Variants in SRC observed in about 807,000 individuals in gnomAD.
The protein encoded by SRC is proto-oncogene tyrosine-protein kinase Src.
In SRC, 13 loss-of-function variants were observed where a neutral mutation model predicts 62.9. That is an observed-to-expected ratio of 0.21 (90% CI 0.13 to 0.33). SRC has a LOEUF of 0.33. SRC is among the 10% of genes least tolerant of loss of function. The probability of loss-of-function intolerance (pLI) is 1.00; values close to 1 mark genes in which losing one functional copy is unlikely to be tolerated. For synonymous variants in SRC, 302 were observed against 317.5 expected (o/e 0.95, Z 0.52); for missense variants, 457 against 737.3 (o/e 0.62, Z 4.40).
At position 37,397,646 on chromosome 20, in the gene SRC, G is replaced by A. The variant is rs1243102475; in HGVS notation, c.704-53G>A. 6.7e-7 allele frequency: 1 copy of A among 1,498,508 alleles called. No individual in the cohort carries two copies. The highest frequency in any genetic ancestry group is 2.2e-5 in the Admixed American group (1 of 44,746). 92.8% of individuals were successfully genotyped at this position (1,498,508 alleles called of 1,614,324 possible). On this transcript the variant is annotated intron_variant, in intron 8 of 13. Transcript: ENST00000373578. This position sits in a 1 kb window ranked among gnomAD's most constrained non-coding sequence, Gnocchi z 4.1. ...TAGGGCGACACACACTGAGGGGCAG[G>A]GAGGCCCCAGGGCAGAAGACCCGCC...
At chr20:37,374,978 T>G (rs1252266712) in intron 2 of SRC, among the ~76,000 whole-genome samples, 1 of 152,044 alleles carries the variant, frequency 6.6e-6, no homozygotes, top group Non-Finnish European at 1.5e-5. Context: ...TCACCCAGGC[T>G]GGAGTGTAGT....
At chr20:37,345,100 C>A (rs187283539), upstream of SRC, among the ~76,000 whole-genome samples, 13 of 152,270 alleles carry the variant, frequency 8.5e-5, no homozygotes, top group East Asian at 2.5e-3. Context: ...GGAATAGAAG[C>A]CTGACCTGTC....
In SRC at chr20:37,352,678, T is replaced by G. The variant is rs1216490813; in HGVS notation, c.-247+6423T>G. On this transcript the variant is annotated intron_variant, in intron 1 of 13. Transcript: ENST00000373578. ...GAGAGCTGTTCCTGCTCTTGTTTTT[T>G]GGGAGGCAGCTGAAGCTCAGAGAGA... is the stretch of plus-strand genomic sequence containing the variant. 3.9e-5 allele frequency among the ~76,000 whole-genome samples: 6 copies of G among 152,298 alleles called. No individual in the cohort carries two copies. The East Asian group carries it at 9.6e-4, about 24-fold the overall frequency.
intron 2 of SRC, among the ~76,000 whole-genome samples, chr20:37,370,935 C>A (rs548084032): frequency 8.6e-5 from 13 of 151,448 alleles, no homozygotes; most frequent in African/African-American, 2.7e-4. Context: ...CATCTCTTTA[C>A]TTGCTTTAGA....
At chr20:37,381,681 G>A (rs1322727270) in intron 2 of SRC, among the ~76,000 whole-genome samples, 1 of 152,178 alleles carries the variant, frequency 6.6e-6, no homozygotes, top group Non-Finnish European at 1.5e-5. Context: ...CAAGTGGCTA[G>A]GGGGCGGGCT....
intron 1 of SRC, among the ~76,000 whole-genome samples, chr20:37,353,649 A>C (rs1439279222): frequency 1.3e-5 from 2 of 151,956 alleles, no homozygotes; most frequent in Non-Finnish European, 2.9e-5. Context: ...TCCCGGCCCC[A>C]TTTCACCAAA....
In SRC at chr20:37,403,565, C is replaced by CGGT. The variant is rs2070777185; in HGVS notation, c.*189_*191dup. 1.5e-6 allele frequency: 1 copy of CGGT among 669,738 alleles called. No individual in the cohort carries two copies. Among genetic ancestry groups the CGGT allele is most frequent in the Non-Finnish European group, 2.5e-6 (1 of 400,988 alleles). The allele number at this position is 669,738 out of a possible 1,614,324, so 41.5% of individuals were successfully genotyped here. On this transcript the variant is annotated 3_prime_UTR_variant, in exon 14 of 14. Transcript: ENST00000373578. The surrounding 1 kb of genome is among the most constrained non-coding windows in gnomAD (Gnocchi z 7.1). ...CTGGACCTAGGGTGGCCTGAGAGGG[C>CGGT]GGTGGGTATGCGAGACCAGCACGGT...
In SRC at chr20:37,396,137, C is replaced by A; in HGVS notation, c.554-25C>A. ...CTGCGGGGGGAGAGGGCATGGCGGT[C>A]ACGGCTCCCCTCGGTGCCCCGCAGG... On this transcript the variant is annotated intron_variant, in intron 7 of 13. Coordinates refer to ENST00000373578, the MANE Select transcript of SRC (RefSeq NM_198291.3). The surrounding 1 kb of genome is among the most constrained non-coding windows in gnomAD (Gnocchi z 6.1). 6.2e-7 allele frequency: 1 copy of A among 1,606,420 alleles called. No individual in the cohort carries two copies. Among genetic ancestry groups the A allele is most frequent in the South Asian group, 1.1e-5 (1 of 90,884 alleles).
chr20:37,393,505 C>T lies in SRC; in HGVS notation c.351-390C>T, dbSNP rs1253735009. Among the ~76,000 whole-genome samples, 3 of 152,178 alleles carry T rather than the reference C, an allele frequency of 2.0e-5. 1 individual carries two copies. Among genetic ancestry groups the T allele is most frequent in the Admixed American group, 2.0e-4 (3 of 15,284 alleles). On this transcript the variant is annotated intron_variant, in intron 5 of 13. Coordinates refer to ENST00000373578, the MANE Select transcript of SRC (RefSeq NM_198291.3). The stretch of plus-strand genomic sequence containing the variant: ...CTCTTCTATTACAACCTTACTTGCC[C>T]GCAGAGACAGGGGGTTCCCTCCCTC...
Position 37,402,952 on chromosome 20 carries a change from C to A in SRC, c.1402+72C>A. On this transcript the variant is annotated intron_variant, in intron 13 of 13. Transcript: ENST00000373578. The surrounding 1 kb of genome is among the most constrained non-coding windows in gnomAD (Gnocchi z 6.2). ...CCTGGTGGCCTTGGGCAAGTCATGA[C>A]TCCTGCTGGGCCTGTTTCCCCACCC... 1 of 1,541,280 alleles carries A rather than the reference C, an allele frequency of 6.5e-7. No individual in the cohort carries two copies. The highest frequency in any genetic ancestry group is 1.2e-5 in the South Asian group (1 of 81,620).
chr20:37,357,606 A>C (rs2069903224), intron 1 of SRC, among the ~76,000 whole-genome samples: 1 of 152,260 alleles, frequency 6.6e-6, no homozygotes, highest in South Asian at 2.1e-4. Context: ...AGGTTCTCAC[A>C]CAGTGAGTTA....
Position 37,397,841 on chromosome 20 carries a change from C to G in SRC, c.846C>G (p.Gly282=). ...TCAAGCTGGGCCAGGGCTGCTTTGG[C>G]GAGGTGTGGATGGGTAAGGCCTGGC... ...LEVKLGQGCF[G]EVWMGTWNGT... is the part of the protein sequence containing the mutation. Residue 282 remains glycine, a synonymous_variant, in exon 9 of 14, where the codon GGC becomes GGG. Transcript: ENST00000373578. This position sits in a 1 kb window ranked among gnomAD's most constrained non-coding sequence, Gnocchi z 4.1. The G allele has an allele frequency of 6.2e-7, 1 of 1,610,434 alleles. No individual in the cohort carries two copies. Among genetic ancestry groups the G allele is most frequent in the Non-Finnish European group, 8.5e-7 (1 of 1,179,450 alleles).
intron 1 of SRC, among the ~76,000 whole-genome samples, chr20:37,358,342 G>T (rs1222724351): frequency 1.3e-5 from 2 of 152,204 alleles, no homozygotes; most frequent in Admixed American, 6.5e-5. Flanking sequence ...GGGCTGGAGG[G>T]CTGAGTGGCC....
intron 1 of SRC, among the ~76,000 whole-genome samples, chr20:37,358,649 T>C (rs541345655): frequency 4.6e-5 from 7 of 152,352 alleles, no homozygotes; most frequent in Admixed American, 3.3e-4. Flanking sequence ...AGGCCAGGGA[T>C]TGGGGTCTGA....
intron 5 of SRC, among the ~76,000 whole-genome samples, chr20:37,389,362 C>T (rs908291313): frequency 7.2e-5 from 11 of 152,180 alleles, no homozygotes; most frequent in African/African-American, 2.4e-4. Flanking sequence ...TTCTGGGCAA[C>T]AGCGCCTCAG....
rs543077081 is a variant in SRC, at chr20:37,399,658, C to T, written c.860-457C>T. On this transcript the variant is annotated intron_variant, in intron 9 of 13. Transcript: ENST00000373578. The stretch of plus-strand genomic sequence containing the variant: ...CTCCCAGGCTCAAACCATTCTCCTG[C>T]CTCAGCCTCCCGAGTATCCAGTATT... 2.0e-5 allele frequency among the ~76,000 whole-genome samples: 3 copies of T among 152,144 alleles called. No individual in the cohort carries two copies. In the South Asian group the frequency reaches 6.2e-4, roughly 32 times the overall value.
intron 1 of SRC, among the ~76,000 whole-genome samples, chr20:37,356,241 T>A (rs1208970888): frequency 1.3e-5 from 2 of 152,096 alleles, no homozygotes; most frequent in Non-Finnish European, 2.9e-5. Flanking sequence ...GAAGGTGCCC[T>A]GTGAGCAGCT....
intron 1 of SRC, among the ~76,000 whole-genome samples, chr20:37,363,706 G>A (rs1430894185): frequency 6.6e-6 from 1 of 152,136 alleles, no homozygotes; most frequent in African/African-American, 2.4e-5. Flanking sequence ...CTGGACCAGA[G>A]CAGCTGGTGA....
chr20:37,386,793 G>A (rs1228374236), intron 5 of SRC, among the ~76,000 whole-genome samples: 1 of 152,256 alleles, frequency 6.6e-6, no homozygotes, highest in Non-Finnish European at 1.5e-5. Context: ...GCTGTGATGG[G>A]GATAGCCTGG....
Sources: gnomAD v4.1 joint callset for allele counts (sites outside exome capture counted in the v4.1 genomes callset) on GRCh38, gnomAD v4.1.1 for gene constraint, Gnocchi (gnomAD v3.1) non-coding constraint, MANE v1.5 for transcripts, NCBI Gene and HGNC (gene_info 2026-07-23, HGNC 2026-07-21) for gene names.